The following AVEN variants were observed in gnomAD, a reference collection of about 807,000 sequenced individuals.
AVEN encodes cell death regulator Aven.
A neutral mutation model predicts 38.1 loss-of-function variants in AVEN; 41 were observed. The ratio of observed to expected loss-of-function variants is 1.08; its 90% CI spans 0.84 to 1.40. The LOEUF (loss-of-function observed/expected upper bound fraction) is 1.40, where lower values mean the gene tolerates loss of function less well. AVEN is among the 40% of genes most tolerant of loss of function. The probability of loss-of-function intolerance (pLI) is 0.00; values close to 1 mark genes in which losing one functional copy is unlikely to be tolerated. For missense variants in AVEN, 605 were observed against 438.8 expected (o/e 1.38, Z -3.38); for synonymous variants, 206 against 171.8 (o/e 1.20, Z -1.56).
chr15:33,965,973 G>A (rs1165461357), intron 2 of AVEN, among the ~76,000 whole-genome samples: 2 of 152,208 alleles, frequency 1.3e-5, no homozygotes, highest in East Asian at 3.9e-4. Context: ...GCAAAGTCTT[G>A]GAGAAAATTA....
chr15:34,029,200 G>A (rs199873186), intron 1 of AVEN, among the ~76,000 whole-genome samples: 11 of 151,972 alleles, frequency 7.2e-5, no homozygotes, highest in South Asian at 4.2e-4. Flanking sequence ...CCCCACCACC[G>A]CCACTGCCAA....
chr15:33,962,580 T>A (rs572981902), intron 2 of AVEN, among the ~76,000 whole-genome samples: 13 of 152,284 alleles, frequency 8.5e-5, no homozygotes, highest in African/African-American at 3.1e-4. Context: ...TGGATCATCA[T>A]CATAACCTCT....
At chr15:34,016,369 T>C (rs1460340599) in intron 1 of AVEN, among the ~76,000 whole-genome samples, 1 of 152,230 alleles carries the variant, frequency 6.6e-6, no homozygotes, top group Admixed American at 6.5e-5. Flanking sequence ...AAACTTACAA[T>C]ACTAATAGAC....
intron 2 of AVEN, among the ~76,000 whole-genome samples, chr15:33,914,076 G>A (rs1893022771): frequency 6.6e-6 from 1 of 152,166 alleles, no homozygotes; most frequent in Non-Finnish European, 1.5e-5. Context: ...CAGATGAATA[G>A]AATTATACCC....
chr15:33,860,668 A>C, intron 11 of AVEN: 1 of 1,556,656 alleles, frequency 6.4e-7, no homozygotes, highest in Non-Finnish European at 8.8e-7. Flanking sequence ...AGGTAATGTT[A>C]CTCTAACTAC....
chr15:33,932,826 A>AAAATAAATAAATAAAT (rs1404090251), intron 2 of AVEN, among the ~76,000 whole-genome samples: 1 of 47,910 alleles, frequency 2.1e-5, no homozygotes, highest in African/African-American at 5.1e-5. Context: ...ACTCCATCAC[A>AAAATAAATAAATAAAT]AAATAAACAA....
At position 34,038,837 on chromosome 15, in the gene AVEN, GCCT is replaced by G. The variant is rs1044396962; in HGVS notation, c.207_209del (p.Gly70del). On this transcript the variant is annotated inframe_deletion, in exon 1 of 6. Transcript: ENST00000306730. Reference sequence around the variant, plus strand: ...GCTCCCGGCGGCTGCCTCGCGGGGCGCCTCCTCCTCCTCGGCCTCCGCGAGCGC... The same window carrying G: ...GCTCCCGGCGGCTGCCTCGCGGGGCGCCTCCTCCTCGGCCTCCGCGAGCGC... 2.9e-4 allele frequency: 340 copies of G among 1,187,714 alleles called. 3 individuals are homozygous for G. In the African/African-American group the frequency reaches 4.4e-3, roughly 15 times the overall value. 73.6% of individuals were successfully genotyped at this position (1,187,714 alleles called of 1,614,324 possible).
At chr15:33,922,204 T>C (rs769633926) in intron 2 of AVEN, among the ~76,000 whole-genome samples, 3 of 152,044 alleles carry the variant, frequency 2.0e-5, no homozygotes, top group Non-Finnish European at 4.4e-5. Context: ...ACCACTGGAG[T>C]ACAAAGCGAA....
intron 5 of AVEN, among the ~76,000 whole-genome samples, chr15:34,053,319 A>AAAAAATAT (rs775436850): frequency 2.6e-4 from 11 of 42,062 alleles, no homozygotes; most frequent in African/African-American, 5.6e-4. Context: ...AAAAAAAAAA[A>AAAAAATAT]ATATATATAT....
chr15:33,983,275 TGAC>T (rs1295277683), intron 2 of AVEN, among the ~76,000 whole-genome samples: 1 of 149,838 alleles, frequency 6.7e-6, no homozygotes, highest in African/African-American at 2.4e-5. Context: ...AACCAACAAA[TGAC>T]AAAAGATAAA....
intron 2 of AVEN, among the ~76,000 whole-genome samples, chr15:33,943,257 G>A (rs2081957104): frequency 6.6e-6 from 1 of 152,186 alleles, no homozygotes; most frequent in African/African-American, 2.4e-5. Context: ...ATACACTATG[G>A]AACATTATTC....
chr15:33,927,023 G>C (rs138186603), intron 2 of AVEN, among the ~76,000 whole-genome samples: 6,388 of 152,172 alleles, frequency 0.042, 275 homozygotes, highest in African/African-American at 0.11. Context: ...GGGAGGCTGA[G>C]ACAGGCGGAT....
downstream of AVEN, chr15:33,854,252 G>T: frequency 1.5e-6 from 1 of 675,022 alleles, no homozygotes; most frequent in Non-Finnish European, 2.6e-6. Flanking sequence ...CTCATGGGGA[G>T]CACATACAAC....
At chr15:33,958,145 T>G (rs1895026329) in intron 2 of AVEN, among the ~76,000 whole-genome samples, 1 of 152,220 alleles carries the variant, frequency 6.6e-6, no homozygotes, top group African/African-American at 2.4e-5. Context: ...ATTTGAGCAT[T>G]TTATATGTAA....
At chr15:33,865,551 A>T, downstream of AVEN, 1 of 258,030 alleles carries the variant, frequency 3.9e-6, no homozygotes, top group Non-Finnish European at 7.4e-6. Flanking sequence ...AGGGCTAGAG[A>T]AGTATGAAAT....
At chr15:33,927,525 T>C (rs1052287209) in intron 2 of AVEN, among the ~76,000 whole-genome samples, 2 of 152,140 alleles carry the variant, frequency 1.3e-5, no homozygotes, top group East Asian at 1.9e-4. Flanking sequence ...CTGATATTTC[T>C]CTACTGGAAG....
chr15:33,857,848 C>T (rs1351630961), downstream of AVEN: 1 of 1,614,186 alleles, frequency 6.2e-7, no homozygotes. Context: ...TCAACTTCTT[C>T]CGCAAGTTCT....
At chr15:33,965,898 T>C (rs963677253) in intron 2 of AVEN, among the ~76,000 whole-genome samples, 1 of 146,266 alleles carries the variant, frequency 6.8e-6, no homozygotes, top group African/African-American at 2.5e-5. Context: ...AAGTTCATCC[T>C]GTAGAAAGTA....
intron 1 of AVEN, among the ~76,000 whole-genome samples, chr15:34,003,469 T>G (rs561992797): frequency 6.0e-4 from 91 of 152,362 alleles, no homozygotes; most frequent in South Asian, 3.7e-3. Context: ...AATTTATCCC[T>G]ATGTATCCTA....
Sources: allele counts gnomAD v4.1 joint callset (sites outside exome capture counted in the v4.1 genomes callset), GRCh38; gene constraint gnomAD v4.1.1; transcripts MANE v1.5; gene names NCBI Gene and HGNC (gene_info 2026-07-23, HGNC 2026-07-21).